SMYD3: variants seen among roughly 807,000 people sequenced by gnomAD.
SMYD3 encodes histone-lysine N-methyltransferase SMYD3.
A neutral mutation model predicts 57.7 loss-of-function variants in SMYD3; 36 were observed. The observed-to-expected ratio is 0.62, with a 90% CI of 0.48 to 0.82. The LOEUF is 0.82. Among genes scored for constraint, SMYD3 ranks in the 40% least tolerant of loss-of-function variants. The pLI is 0.00. For synonymous variants in SMYD3, 211 were observed against 195.0 expected, an observed-to-expected ratio of 1.08 and a Z score of -0.68; for missense variants, 515 against 538.8, an observed-to-expected ratio of 0.96 and a Z score of 0.44.
intron 5 of SMYD3, among the ~76,000 whole-genome samples, chr1:245,973,048 C>T (rs1260114212): frequency 6.6e-6 from 1 of 152,180 alleles, no homozygotes; most frequent in Non-Finnish European, 1.5e-5. Flanking sequence ...CCACACCTAC[C>T]ATGCAAAGCA....
intron 5 of SMYD3, among the ~76,000 whole-genome samples, chr1:245,956,323 C>A (rs2057839458): frequency 6.6e-6 from 1 of 152,188 alleles, no homozygotes; most frequent in Non-Finnish European, 1.5e-5. Context: ...AAAGTTATGT[C>A]TGATTCATTG....
intron 5 of SMYD3, among the ~76,000 whole-genome samples, chr1:246,301,028 A>C (rs763773249): frequency 4.6e-5 from 7 of 152,134 alleles, no homozygotes; most frequent in Non-Finnish European, 1.0e-4. Context: ...CTTTGTAGAG[A>C]TAGAAGTCGT....
chr1:245,815,223 A>C (rs1160148119), intron 10 of SMYD3, among the ~76,000 whole-genome samples: 1 of 152,228 alleles, frequency 6.6e-6, no homozygotes, highest in African/African-American at 2.4e-5. Context: ...ACCAGAAAAA[A>C]ACACAAACAC....
intron 10 of SMYD3, among the ~76,000 whole-genome samples, chr1:245,782,385 T>C (rs1440002670): frequency 6.6e-6 from 1 of 152,204 alleles, no homozygotes; most frequent in African/African-American, 2.4e-5. Context: ...GGGAAAAAGA[T>C]GAGGGAAGAG....
chr1:246,048,454 A>T (rs940269644), intron 5 of SMYD3, among the ~76,000 whole-genome samples: 1 of 152,228 alleles, frequency 6.6e-6, no homozygotes, highest in Non-Finnish European at 1.5e-5. Flanking sequence ...TATTTTAGTG[A>T]CAAAAAAGTA....
At chr1:246,393,686 A>AAAG (rs919315847) in intron 1 of SMYD3, among the ~76,000 whole-genome samples, 3 of 150,654 alleles carry the variant, frequency 2.0e-5, no homozygotes, top group African/African-American at 7.3e-5. Context: ...AAAAAAAAAA[A>AAAG]AAAAAAAAAA....
intron 5 of SMYD3, among the ~76,000 whole-genome samples, chr1:246,018,331 C>T (rs963777179): frequency 7.2e-5 from 11 of 152,100 alleles, no homozygotes; most frequent in South Asian, 2.1e-4. Flanking sequence ...CAGGTTTCCA[C>T]GTGAATGCTC....
At chr1:246,038,276 A>G (rs957909322) in intron 5 of SMYD3, among the ~76,000 whole-genome samples, 5 of 152,214 alleles carry the variant, frequency 3.3e-5, no homozygotes, top group Non-Finnish European at 5.9e-5. Flanking sequence ...TCAGAGGGAA[A>G]GCAAAGAGTT....
chr1:246,474,973 G>C (rs1200991878), intron 1 of SMYD3, among the ~76,000 whole-genome samples: 1 of 152,146 alleles, frequency 6.6e-6, no homozygotes, highest in Non-Finnish European at 1.5e-5. Context: ...TTTTGGCAAA[G>C]ATGGTCAAAT....
intron 5 of SMYD3, among the ~76,000 whole-genome samples, chr1:246,193,337 C>T (rs757422726): frequency 1.3e-4 from 20 of 152,184 alleles, no homozygotes; most frequent in East Asian, 5.8e-4. Context: ...AGAAATAGTT[C>T]GATGAAAAGA....
At chr1:246,232,794 A>G (rs2063435640) in intron 5 of SMYD3, among the ~76,000 whole-genome samples, 1 of 136,544 alleles carries the variant, frequency 7.3e-6, no homozygotes, top group Non-Finnish European at 1.6e-5. Context: ...TATATACCAC[A>G]CAGAGAAGAA....
At chr1:246,061,267 G>T (rs1400533995) in intron 5 of SMYD3, among the ~76,000 whole-genome samples, 1 of 152,066 alleles carries the variant, frequency 6.6e-6, no homozygotes, top group Non-Finnish European at 1.5e-5. Context: ...TTAAATTCTT[G>T]TAAAAATAAC....
intron 5 of SMYD3, among the ~76,000 whole-genome samples, chr1:245,965,863 C>T (rs541840574): frequency 1.1e-4 from 16 of 152,164 alleles, no homozygotes; most frequent in East Asian, 1.9e-4. Flanking sequence ...CAAGGGTGAG[C>T]CCTAATGTCA....
chr1:246,455,697 G>A (rs2067691940), intron 1 of SMYD3, among the ~76,000 whole-genome samples: 1 of 152,196 alleles, frequency 6.6e-6, no homozygotes, highest in South Asian at 2.1e-4. Flanking sequence ...TTAACTTTGA[G>A]AGCAATAGAC....
At chr1:246,028,586 TACAA>T (rs2059616246) in intron 5 of SMYD3, among the ~76,000 whole-genome samples, 3 of 152,260 alleles carry the variant, frequency 2.0e-5, no homozygotes, top group South Asian at 4.1e-4. Flanking sequence ...CTGAAGAGAA[TACAA>T]ACAAATGGAG....
chr1:245,794,677 C>T (rs1412611505), intron 10 of SMYD3, among the ~76,000 whole-genome samples: 1 of 152,226 alleles, frequency 6.6e-6, no homozygotes, highest in Non-Finnish European at 1.5e-5. Flanking sequence ...TCCCTCCTGC[C>T]TCAGCTGCTT....
At chr1:246,378,765 TTA>T (rs2066329756) in intron 1 of SMYD3, among the ~76,000 whole-genome samples, 1 of 120,478 alleles carries the variant, frequency 8.3e-6, no homozygotes, top group African/African-American at 3.2e-5. Context: ...ATTTAATATA[TTA>T]TATATAATTT....
At chr1:246,423,053 C>T (rs964840890) in intron 1 of SMYD3, among the ~76,000 whole-genome samples, 3 of 152,124 alleles carry the variant, frequency 2.0e-5, no homozygotes, top group Admixed American at 6.5e-5. Flanking sequence ...ATTCCAATCA[C>T]TTTGGGAGGC....
chr1:245,955,882 T>C (rs1300021538), intron 5 of SMYD3: 34 of 956,012 alleles, frequency 3.6e-5, no homozygotes, highest in Non-Finnish European at 4.0e-5. Flanking sequence ...TTGGGTTTTT[T>C]TTTTTTTTGG....
Sources: allele counts gnomAD v4.1 joint callset (sites outside exome capture counted in the v4.1 genomes callset), GRCh38; gene constraint gnomAD v4.1.1; transcripts MANE v1.5; gene names NCBI Gene and HGNC (gene_info 2026-07-23, HGNC 2026-07-21).